The following TTLL11 variants were observed in gnomAD, a reference collection of about 807,000 sequenced individuals.
The protein encoded by TTLL11 is tubulin tyrosine ligase like 11.
Under a neutral mutation model 51.7 loss-of-function variants are expected in TTLL11, and 42 were observed. That is an observed-to-expected ratio of 0.81 (90% confidence interval 0.64 to 1.05). TTLL11 has a LOEUF of 1.05. Ranked by LOEUF, TTLL11 falls within the 50% of genes least tolerant of loss-of-function variation. The pLI is 0.00. For synonymous variants in TTLL11, 381 were observed against 383.5 expected, an observed-to-expected ratio of 0.99 and a Z score of 0.08; for missense variants, 799 against 940.4, an observed-to-expected ratio of 0.85 and a Z score of 1.97.
intron 8 of TTLL11, among the ~76,000 whole-genome samples, chr9:121,844,248 G>C (rs1303326331): frequency 6.6e-6 from 1 of 151,756 alleles, no homozygotes; most frequent in Non-Finnish European, 1.5e-5. Flanking sequence ...CCAAGAAAAA[G>C]ATTCCATTTA....
chr9:121,849,111 A>G (rs1329232669), intron 8 of TTLL11, among the ~76,000 whole-genome samples: 1 of 152,248 alleles, frequency 6.6e-6, no homozygotes, highest in Non-Finnish European at 1.5e-5. Flanking sequence ...TAGTCAACTG[A>G]TCTTTGACAC....
chr9:122,031,318 C>T (rs1844533088), intron 3 of TTLL11, among the ~76,000 whole-genome samples: 1 of 152,120 alleles, frequency 6.6e-6, no homozygotes, highest in Non-Finnish European at 1.5e-5. Flanking sequence ...GCTCCCTGGC[C>T]TTTAAACAGA....
chr9:121,997,990 C>G (rs1469768683), intron 3 of TTLL11, among the ~76,000 whole-genome samples: 1 of 152,224 alleles, frequency 6.6e-6, no homozygotes, highest in African/African-American at 2.4e-5. Context: ...CCCAGGTCTC[C>G]TACTGAGAGC....
At chr9:121,940,154 T>C (rs895581050) in intron 6 of TTLL11, among the ~76,000 whole-genome samples, 3 of 152,234 alleles carry the variant, frequency 2.0e-5, no homozygotes, top group South Asian at 4.1e-4. Flanking sequence ...AGGCTCAGCT[T>C]ACAAGCAAAG....
chr9:121,936,832 T>C (rs1341223303), intron 6 of TTLL11, among the ~76,000 whole-genome samples: 2 of 152,244 alleles, frequency 1.3e-5, no homozygotes, highest in African/African-American at 4.8e-5. Context: ...ATGAAACATT[T>C]GACTACATCA....
intron 8 of TTLL11, among the ~76,000 whole-genome samples, chr9:121,830,268 G>A (rs549673457): frequency 3.3e-5 from 5 of 152,280 alleles, no homozygotes; most frequent in East Asian, 3.9e-4. Context: ...AGAGGCTCTC[G>A]AACTTTCGAA....
chr9:121,924,060 C>T lies in TTLL11; in HGVS notation c.1481+49949G>A, dbSNP rs546820576. Among the ~76,000 whole-genome samples the T allele has an allele frequency of 1.1e-3, 166 of 152,350 alleles. 2 individuals carry two copies. Among genetic ancestry groups the T allele is most frequent in the Non-Finnish European group, 2.1e-3 (141 of 68,034 alleles). ...CGTGCCTTCCACCATGATTGTGAGG[C>T]TTCCCCAGCCACGTGGAACTGTGAT... On this transcript the variant is annotated intron_variant, in intron 6 of 8. Transcript: ENST00000321582.
At chr9:121,854,082 C>T (rs76332706) in intron 8 of TTLL11, among the ~76,000 whole-genome samples, 2 of 152,174 alleles carry the variant, frequency 1.3e-5, no homozygotes, top group South Asian at 4.2e-4. Context: ...CACTTTACAC[C>T]TGATGAACTT....
intron 6 of TTLL11, among the ~76,000 whole-genome samples, chr9:121,919,381 A>G (rs557223339): frequency 6.6e-6 from 1 of 152,352 alleles, no homozygotes; most frequent in South Asian, 2.1e-4. Context: ...ATAGGTAGAC[A>G]TAGATAAAAT....
At chr9:122,013,781 T>A (rs1485302440) in intron 3 of TTLL11, among the ~76,000 whole-genome samples, 19 of 152,190 alleles carry the variant, frequency 1.2e-4, no homozygotes, top group Admixed American at 1.1e-3. Context: ...AGCCCCAGGC[T>A]ACACTGACCC....
At chr9:121,859,854 C>T (rs1837950469) in intron 8 of TTLL11, among the ~76,000 whole-genome samples, 1 of 152,214 alleles carries the variant, frequency 6.6e-6, no homozygotes, top group Non-Finnish European at 1.5e-5. Context: ...CTGAAGTCTT[C>T]CTTGGCCCTC....
chr9:121,852,686 G>A (rs1436135253), intron 8 of TTLL11, among the ~76,000 whole-genome samples: 1 of 152,290 alleles, frequency 6.6e-6, no homozygotes, highest in African/African-American at 2.4e-5. Context: ...GTGGCACTAC[G>A]GGTGCAGAAG....
chr9:121,829,745 T>C (rs573258850), intron 8 of TTLL11, among the ~76,000 whole-genome samples: 1 of 150,510 alleles, frequency 6.6e-6, no homozygotes, highest in Non-Finnish European at 1.5e-5. Context: ...AATAAGATAA[T>C]GCATGCTCGT....
chr9:122,006,160 T>A (rs1843636252), intron 3 of TTLL11, among the ~76,000 whole-genome samples: 1 of 151,942 alleles, frequency 6.6e-6, no homozygotes, highest in South Asian at 2.1e-4. Context: ...GCCAACATGG[T>A]GAAACCCCTG....
chr9:121,815,945 C>G lies in TTLL11; in HGVS notation c.*6642G>C, dbSNP rs981125711. On this transcript the variant is annotated 3_prime_UTR_variant, in exon 9 of 9. Transcript: ENST00000321582. ...TGTCAGGGGCGTGGAGGTGGGCAGACGTATTTCCTGGCATCCGTCTTGTTT... is the reference window on the plus strand; with the variant it reads ...TGTCAGGGGCGTGGAGGTGGGCAGAGGTATTTCCTGGCATCCGTCTTGTTT... The G allele has an allele frequency of 6.6e-6, 1 of 152,204 alleles. No individual in the cohort carries two copies. The highest frequency in any genetic ancestry group is 1.5e-5 in the Non-Finnish European group (1 of 68,050). The allele number at this position is 152,204 out of a possible 1,614,324, so 9.4% of individuals were successfully genotyped here. A position where few individuals can be genotyped will look rare whatever the true frequency, so the allele number is the denominator to read the frequency against.
intron 1 of TTLL11, among the ~76,000 whole-genome samples, chr9:122,049,718 G>A (rs1845108589): frequency 1.3e-5 from 2 of 152,066 alleles, no homozygotes; most frequent in Non-Finnish European, 1.5e-5. Flanking sequence ...ATTGATGTTC[G>A]GGTCCCTCTT....
Position 122,004,150 on chromosome 9 carries a change from A to G in TTLL11, c.694-14380T>C, listed in dbSNP as rs189803214. Reference sequence around the variant, plus strand: ...AAAAAATAATAAAATAAAAATAAAAAGTACCTCATGGTTATCTAACCAAAG... The same window carrying G: ...AAAAAATAATAAAATAAAAATAAAAGGTACCTCATGGTTATCTAACCAAAG... On this transcript the variant is annotated intron_variant, in intron 3 of 8. Coordinates refer to ENST00000321582, the MANE Select transcript of TTLL11 (RefSeq NM_001139442.2). Among the ~76,000 whole-genome samples, 10 of 152,140 alleles carry G rather than the reference A, an allele frequency of 6.6e-5. No homozygotes were observed. The East Asian group carries it at 1.9e-3, about 30-fold the overall frequency.
chr9:121,988,768 C>G (rs1843004764), intron 4 of TTLL11: 1 of 224,774 alleles, frequency 4.4e-6, no homozygotes, highest in African/African-American at 2.3e-5. Context: ...ACAACAGACT[C>G]TATGCATCAG....
In TTLL11 at chr9:122,005,229, C is replaced by T. The variant is rs61188133; in HGVS notation, c.694-15459G>A. Among the ~76,000 whole-genome samples, 480 of 152,236 alleles carry T rather than the reference C, an allele frequency of 3.2e-3. 6 individuals carry two copies. The highest frequency in any genetic ancestry group is 0.011 in the African/African-American group (446 of 41,568). On this transcript the variant is annotated intron_variant, in intron 3 of 8. Coordinates refer to ENST00000321582, the MANE Select transcript of TTLL11 (RefSeq NM_001139442.2). Reference sequence around the variant, plus strand: ...CCGGGTGCGGAGGGGATTCACTCGGCGGGGGAGTGGCCTGGATGGTCTCTC... The same window carrying T: ...CCGGGTGCGGAGGGGATTCACTCGGTGGGGGAGTGGCCTGGATGGTCTCTC...
Sources: allele counts gnomAD v4.1 joint callset (sites outside exome capture counted in the v4.1 genomes callset), GRCh38; gene constraint gnomAD v4.1.1; transcripts MANE v1.5; gene names NCBI Gene and HGNC (gene_info 2026-07-23, HGNC 2026-07-21).